Variants in RICTOR observed in about 807,000 individuals in gnomAD.
RICTOR encodes RPTOR independent companion of MTOR complex 2.
A neutral mutation model predicts 214.9 loss-of-function variants in RICTOR; 49 were observed. The ratio of observed to expected loss-of-function variants is 0.23; its 90% confidence interval spans 0.18 to 0.29. The LOEUF is 0.29. Among genes scored for constraint, RICTOR ranks in the 10% least tolerant of loss-of-function variants. RICTOR has a pLI of 1.00. For missense variants in RICTOR, 1,625 were observed against 2,047.0 expected, an observed-to-expected ratio of 0.79 and a Z score of 3.98; for synonymous variants, 717 against 711.3, an observed-to-expected ratio of 1.01 and a Z score of -0.13.
At chr5:39,013,302 C>T (rs575964637) in intron 3 of RICTOR, among the ~76,000 whole-genome samples, 87 of 151,950 alleles carry the variant, frequency 5.7e-4, no homozygotes, top group Non-Finnish European at 9.6e-4. Context: ...TATTTTAAGA[C>T]GGGTTAAAGA....
intron 8 of RICTOR, among the ~76,000 whole-genome samples, chr5:38,980,057 A>T (rs1751577737): frequency 6.6e-6 from 1 of 152,210 alleles, no homozygotes; most frequent in Non-Finnish European, 1.5e-5. Context: ...TGTGCTCTGA[A>T]TTCCAGATAT....
At chr5:38,982,665 T>C (rs1217953841) in intron 7 of RICTOR, among the ~76,000 whole-genome samples, 2 of 152,128 alleles carry the variant, frequency 1.3e-5, no homozygotes, top group East Asian at 1.9e-4. Context: ...TTTTGTACTT[T>C]ATGATACATT....
At chr5:38,970,597 AT>A (rs1244459613) in intron 11 of RICTOR, 1 of 152,204 alleles carries the variant, frequency 6.6e-6, no homozygotes, top group Non-Finnish European at 1.5e-5. Flanking sequence ...CCTGGCTAAT[AT>A]TTTCTAATAA....
intron 2 of RICTOR, among the ~76,000 whole-genome samples, chr5:39,026,484 GACTGTAAAT>G (rs771653900): frequency 1.1e-4 from 16 of 152,268 alleles, no homozygotes; most frequent in Admixed American, 3.3e-4. Flanking sequence ...ATATTGTGTA[GACTGTAAAT>G]ACTACACGTA....
At chr5:38,956,777 T>C (rs1749298206) in intron 25 of RICTOR, among the ~76,000 whole-genome samples, 1 of 152,200 alleles carries the variant, frequency 6.6e-6, no homozygotes, top group Non-Finnish European at 1.5e-5. Flanking sequence ...AATTTTATTA[T>C]GATGATTTAA....
chr5:39,000,922 C>A (rs996624878), intron 5 of RICTOR, among the ~76,000 whole-genome samples: 2 of 151,952 alleles, frequency 1.3e-5, no homozygotes, highest in Non-Finnish European at 2.9e-5. Flanking sequence ...ATGTTCAGGA[C>A]TTCTGCAAAA....
chr5:39,007,763 A>C (rs539164050), intron 3 of RICTOR, among the ~76,000 whole-genome samples: 1 of 151,540 alleles, frequency 6.6e-6, no homozygotes, highest in South Asian at 2.1e-4. Flanking sequence ...TATTGTTTTA[A>C]ATATTATTGT....
At position 38,959,355 on chromosome 5, in the gene RICTOR, G is replaced by T. The variant is rs1202663261; in HGVS notation, c.2052-34C>A. Reference sequence around the variant, plus strand: ...AAAAAAAAAATAAGAATGGTTAAAAGAAATTACTATATTGATACATTAATT... The same window carrying T: ...AAAAAAAAAATAAGAATGGTTAAAATAAATTACTATATTGATACATTAATT... On this transcript the variant is annotated intron_variant, in intron 21 of 37. Coordinates refer to ENST00000357387, the MANE Select transcript of RICTOR (RefSeq NM_152756.5). 4 of 1,211,054 alleles carry T rather than the reference G, an allele frequency of 3.3e-6. No individual in the cohort carries two copies. In the South Asian group the frequency reaches 6.0e-5, roughly 18 times the overall value. 75.0% of individuals were successfully genotyped at this position (1,211,054 alleles called of 1,614,324 possible).
chr5:38,949,456 A>G (rs1165446043), intron 31 of RICTOR: 1 of 1,558,320 alleles, frequency 6.4e-7, no homozygotes, highest in Non-Finnish European at 8.6e-7. Flanking sequence ...AAATAAAAAA[A>G]AGCTTGTGAC....
At chr5:38,980,465 C>CT (rs1751622034) in intron 8 of RICTOR, among the ~76,000 whole-genome samples, 1 of 152,114 alleles carries the variant, frequency 6.6e-6, no homozygotes. Context: ...TTTGATAAGA[C>CT]TAAGTAGGCC....
intron 2 of RICTOR, among the ~76,000 whole-genome samples, chr5:39,043,695 T>C (rs1318209425): frequency 6.6e-6 from 1 of 152,190 alleles, no homozygotes; most frequent in Non-Finnish European, 1.5e-5. Flanking sequence ...TTGTTGAAAT[T>C]TCATCCCCAG....
Position 38,950,621 on chromosome 5 carries a change from G to A in RICTOR, c.3227C>T (p.Ser1076Phe). Residue 1076 changes from serine to phenylalanine, a missense_variant, in exon 31 of 38, where the codon TCT becomes TTT. Around this residue, in one of 5 missense-constraint regions of RICTOR, gnomAD observed 1,214 missense variants for 1,470.5 expected, o/e 0.83. Coordinates refer to ENST00000357387, the MANE Select transcript of RICTOR (RefSeq NM_152756.5). ...TGAATTTTTATCCTTTATGGGTCCA[G>A]ATCGGTCATAAAATGTTGGCTCTGT... ...EDTEPTFYDR[S>F]GPIKDKNSFP... is the part of the protein sequence containing the mutation. The A allele has an allele frequency of 6.2e-7, 1 of 1,613,050 alleles. No individual in the cohort carries two copies. The highest frequency in any genetic ancestry group is 8.5e-7 in the Non-Finnish European group (1 of 1,179,296).
In RICTOR at chr5:38,958,579, C is replaced by T; in HGVS notation, c.2344-60G>A. ...ACAAAAATAGCAAAATTTTTAGTTCCAAAATGCCTATTATATACTTTTACA... is the reference window on the plus strand; with the variant it reads ...ACAAAAATAGCAAAATTTTTAGTTCTAAAATGCCTATTATATACTTTTACA... On this transcript the variant is annotated intron_variant, in intron 23 of 37. Coordinates refer to ENST00000357387, the MANE Select transcript of RICTOR (RefSeq NM_152756.5). 4 of 1,525,444 alleles carry T rather than the reference C, an allele frequency of 2.6e-6. No individual in the cohort carries two copies. The South Asian group carries it at 3.5e-5, about 13-fold the overall frequency. 94.5% of individuals were successfully genotyped at this position (1,525,444 alleles called of 1,614,324 possible).
chr5:39,033,399 G>C (rs956356944), intron 2 of RICTOR, among the ~76,000 whole-genome samples: 1 of 152,062 alleles, frequency 6.6e-6, no homozygotes. Context: ...GAGTAGCTGG[G>C]ATTACAGGTG....
intron 2 of RICTOR, among the ~76,000 whole-genome samples, chr5:39,064,218 T>C (rs1264598583): frequency 6.6e-6 from 1 of 152,208 alleles, no homozygotes; most frequent in Non-Finnish European, 1.5e-5. Context: ...GCCATTCAAC[T>C]TTAACCTGGC....
intron 2 of RICTOR, among the ~76,000 whole-genome samples, chr5:39,071,587 G>A (rs1393474311): frequency 1.3e-5 from 2 of 152,146 alleles, no homozygotes; most frequent in Non-Finnish European, 2.9e-5. Flanking sequence ...TTTTAGAAAT[G>A]AAGAAATCAG....
At chr5:39,046,210 C>A (rs1259808954) in intron 2 of RICTOR, among the ~76,000 whole-genome samples, 13 of 148,972 alleles carry the variant, frequency 8.7e-5, no homozygotes, top group African/African-American at 3.0e-4. Flanking sequence ...AAAAAAAAAA[C>A]AAAAACAGCT....
chr5:39,024,226 G>A (rs1755641820), intron 2 of RICTOR, among the ~76,000 whole-genome samples: 1 of 152,208 alleles, frequency 6.6e-6, no homozygotes, highest in South Asian at 2.1e-4. Flanking sequence ...CTGCTGTGCA[G>A]CCCGGTTCCT....
At chr5:39,054,027 A>T (rs539497973) in intron 2 of RICTOR, among the ~76,000 whole-genome samples, 92 of 152,306 alleles carry the variant, frequency 6.0e-4, no homozygotes, top group Middle Eastern at 3.4e-3. Flanking sequence ...GGTTGCAGTG[A>T]GTGGAGATCG....
Sources: allele counts gnomAD v4.1 joint callset (sites outside exome capture counted in the v4.1 genomes callset), GRCh38; gene constraint gnomAD v4.1.1; regional missense constraint gnomAD v4.1.1; transcripts MANE v1.5; gene names NCBI Gene and HGNC (gene_info 2026-07-23, HGNC 2026-07-21).